The following CHCHD2 variants were observed in gnomAD, a reference collection of about 807,000 sequenced individuals.
CHCHD2 encodes the protein coiled-coil-helix-coiled-coil-helix domain containing 2, also known as coiled-coil-helix-coiled-coil-helix domain-containing protein 2.
In CHCHD2, 17 loss-of-function variants were observed where a neutral mutation model predicts 17.5. The observed-to-expected ratio is 0.97, with a 90% CI of 0.67 to 1.46. The LOEUF (loss-of-function observed/expected upper bound fraction) is 1.46, where lower values mean the gene tolerates loss of function less well. CHCHD2 is among the 40% of genes most tolerant of loss of function. The pLI, the probability that CHCHD2 is intolerant of heterozygous loss-of-function variation, is 0.00. For synonymous variants in CHCHD2, 63 were observed against 74.3 expected, an observed-to-expected ratio of 0.85 and a Z score of 0.78; for missense variants, 175 against 199.9, an observed-to-expected ratio of 0.88 and a Z score of 0.75.
At chr7:56,103,491 G>A (rs1177315964) in intron 2 of CHCHD2, among the ~76,000 whole-genome samples, 9 of 152,138 alleles carry the variant, frequency 5.9e-5, no homozygotes, top group East Asian at 3.8e-4. Context: ...ACAGGGTTGC[G>A]CTATGTTGCC....
rs750913310 is a variant in CHCHD2, at chr7:56,101,877, A to G, written c.446-16T>C. ...TAGGCCAATCCTGCAAACAGAAAAGATTAAGTTAGAAGAATGCTAGCTTCG... is the reference window on the plus strand; with the variant it reads ...TAGGCCAATCCTGCAAACAGAAAAGGTTAAGTTAGAAGAATGCTAGCTTCG... On this transcript the variant is annotated splice_polypyrimidine_tract_variant and intron_variant, in intron 3 of 3. Coordinates refer to ENST00000395422, the MANE Select transcript of CHCHD2 (RefSeq NM_016139.4). 3.1e-6 allele frequency: 5 copies of G among 1,612,730 alleles called. No individual in the cohort carries two copies. The Admixed American group carries it at 5.0e-5, about 16-fold the overall frequency.
At chr7:56,106,201 T>A (rs1157041234) in intron 1 of CHCHD2, among the ~76,000 whole-genome samples, 163 bp downstream of exon 1, 1 of 152,000 alleles carries the variant, frequency 6.6e-6, no homozygotes, top group Non-Finnish European at 1.5e-5. Context: ...CTCCCCACAC[T>A]CCCCTAACAT....
intron 2 of CHCHD2, among the ~76,000 whole-genome samples, 161 bp downstream of exon 2, chr7:56,104,065 G>A (rs200773524): frequency 1.3e-5 from 2 of 152,146 alleles, no homozygotes; most frequent in East Asian, 3.9e-4. Flanking sequence ...CTGGCCTAAG[G>A]CAGTAACTCA....
intron 1 of CHCHD2, among the ~76,000 whole-genome samples, chr7:56,105,377 C>A (rs777589858): frequency 1.3e-5 from 2 of 152,344 alleles, no homozygotes; most frequent in South Asian, 4.1e-4. Flanking sequence ...TTACAGGATT[C>A]ATTCATTCAA....
chr7:56,103,870 A>G (rs755895051), intron 2 of CHCHD2, among the ~76,000 whole-genome samples: 21 of 152,212 alleles, frequency 1.4e-4, no homozygotes, highest in Non-Finnish European at 2.8e-4. Context: ...GGCAAACATC[A>G]CGTAAAAGAA....
rs770120729 is a variant in CHCHD2 at position 56,104,482 on chromosome 7, A to C, written c.51-7T>G. ...TCTCATCTGAGGGGCCCGGCTGTGA[A>C]AGAAAAGAAAAAAACATCAAGTTCC... On this transcript the variant is annotated splice_region_variant and splice_polypyrimidine_tract_variant and intron_variant, in intron 1 of 3. Transcript: ENST00000395422. 7.1e-6 allele frequency: 11 copies of C among 1,540,838 alleles called. No homozygotes were observed. The highest frequency in any genetic ancestry group is 9.7e-6 in the Non-Finnish European group (11 of 1,139,396).
chr7:56,105,685 G>A (rs1281387668), intron 1 of CHCHD2, among the ~76,000 whole-genome samples: 1 of 152,192 alleles, frequency 6.6e-6, no homozygotes, highest in Non-Finnish European at 1.5e-5. Flanking sequence ...CAGTTACTCT[G>A]GAGGCTGACG....
In CHCHD2 at chr7:56,104,462, T is replaced by C. The variant is rs374959692; in HGVS notation, c.64A>G (p.Met22Val). The C allele has an allele frequency of 4.4e-6, 7 of 1,586,210 alleles. No individual in the cohort carries two copies. The highest frequency in any genetic ancestry group is 6.0e-6 in the Non-Finnish European group (7 of 1,160,544). Residue 22 changes from methionine (M) to valine (V), a missense_variant, in exon 2 of 4, where the codon ATG becomes GTG. By Grantham distance (21) the Met-to-Val change is conservative (BLOSUM62 1). Coordinates refer to ENST00000395422, the MANE Select transcript of CHCHD2 (RefSeq NM_016139.4). ...MAPPASRAPQ[M>V]RAAPRPAPVA... ...GGTGCTGGCCTGGGTGCAGCTCTCA[T>C]CTGAGGGGCCCGGCTGTGAAAGAAA...
At chr7:56,105,904 A>C (rs1785373960) in intron 1 of CHCHD2, among the ~76,000 whole-genome samples, 1 of 152,228 alleles carries the variant, frequency 6.6e-6, no homozygotes, top group Non-Finnish European at 1.5e-5. Flanking sequence ...ACTCGTCTGA[A>C]CTATTATACC....
In CHCHD2 at chr7:56,106,474, T is replaced by G. The variant is rs1183626737; in HGVS notation, c.-61A>C. 5.2e-6 allele frequency: 8 copies of G among 1,538,360 alleles called. No homozygotes were observed. The African/African-American group carries it at 8.2e-5, about 16-fold the overall frequency. ...ACAACCACCGAAGAGCTAAGCGACTTCTGAGGAGACCGGAAGATGGGAGGC... is the reference window on the plus strand; with the variant it reads ...ACAACCACCGAAGAGCTAAGCGACTGCTGAGGAGACCGGAAGATGGGAGGC... On this transcript the variant is annotated 5_prime_UTR_variant, in exon 1 of 4. Coordinates refer to ENST00000395422, the MANE Select transcript of CHCHD2 (RefSeq NM_016139.4).
At chr7:56,102,205 G>A (rs1785297358) in intron 3 of CHCHD2, among the ~76,000 whole-genome samples, 1 of 152,094 alleles carries the variant, frequency 6.6e-6, no homozygotes, top group South Asian at 2.1e-4. Context: ...ACTCAATGAG[G>A]TACAGATACC....
chr7:56,104,389 G>T lies in CHCHD2; in HGVS notation c.137C>A (p.Ser46Tyr). Residue 46 changes from serine to tyrosine, a missense_variant, in exon 2 of 4, where the codon TCT becomes TAT. Transcript: ENST00000395422. ...AAAPPSAVGS[S>Y]AAAPRQPGLM... ...ACCTGGCTGCCGGGGCGCAGCAGCA[G>T]AAGAGCCAACTGCAGATGGGGGTGC... 1 of 1,611,972 alleles carries T rather than the reference G, an allele frequency of 6.2e-7. No homozygotes were observed. Among genetic ancestry groups the T allele is most frequent in the Non-Finnish European group, 8.5e-7 (1 of 1,179,382 alleles).
intron 1 of CHCHD2, 91 bp from the exon 2 acceptor site, chr7:56,104,566 C>T: frequency 7.7e-7 from 1 of 1,300,436 alleles, no homozygotes; most frequent in South Asian, 1.6e-5. Context: ...TAAAATGGAC[C>T]TCAAGATTTT....
intron 3 of CHCHD2, 68 bp downstream of exon 3, chr7:56,102,799 C>G: frequency 6.5e-7 from 1 of 1,531,278 alleles, no homozygotes; most frequent in Non-Finnish European, 9.0e-7. Flanking sequence ...CACAGATTAC[C>G]CTAAGTTCTA....
rs1584643466 is a variant in CHCHD2 at position 56,102,872 on chromosome 7, G to C, written c.440C>G (p.Ala147Gly). 1.9e-6 allele frequency: 3 copies of C among 1,613,926 alleles called. No homozygotes were observed. The highest frequency in any genetic ancestry group is 2.5e-6 in the Non-Finnish European group (3 of 1,179,848). ...FNEVLKQCRL[A>G]NGLA ...AAATTGGACAAATTACCTACCGTTTGCAAGTCGGCACTGTTTCAGCACCTC... is the reference window on the plus strand; with the variant it reads ...AAATTGGACAAATTACCTACCGTTTCCAAGTCGGCACTGTTTCAGCACCTC... The change falls in exon 3 of 4, where the codon GCA (alanine) becomes GGA (glycine). Residue 147 changes from alanine (A) to glycine (G), a missense_variant. Transcript: ENST00000395422.
Sources: gnomAD v4.1 joint callset for allele counts (sites outside exome capture counted in the v4.1 genomes callset) on GRCh38, gnomAD v4.1.1 for gene constraint, MANE v1.5 for transcripts, NCBI Gene and HGNC (gene_info 2026-07-23, HGNC 2026-07-21) for gene names.